Variants in SPIN1 observed in about 807,000 individuals in gnomAD.
The protein encoded by SPIN1 is spindlin-1.
Under a neutral mutation model 26.0 loss-of-function variants are expected in SPIN1, and 3 were observed. That is an observed-to-expected ratio of 0.12 (90% CI 0.05 to 0.30). SPIN1 has a LOEUF of 0.30. Among genes scored for constraint, SPIN1 ranks in the 10% least tolerant of loss-of-function variants. The probability of loss-of-function intolerance (pLI) is 1.00; values close to 1 mark genes in which losing one functional copy is unlikely to be tolerated. For synonymous variants in SPIN1, 101 were observed against 116.5 expected (o/e 0.87, Z 0.86); for missense variants, 126 against 333.4 (o/e 0.38, Z 4.84).
At position 88,405,997 on chromosome 9, in the gene SPIN1, TTGTGTGTCTGTGTGTG is replaced by T. The variant is rs1462032402; in HGVS notation, c.-159+17467_-159+17482del. Among the ~76,000 whole-genome samples the T allele has an allele frequency of 1.3e-3, 175 of 138,934 alleles. 1 individual carries two copies. Among genetic ancestry groups the T allele is most frequent in the Middle Eastern group, 3.7e-3 (1 of 268 alleles). 91.1% of individuals were successfully genotyped at this position (138,934 alleles called of 152,430 possible). A position where few individuals can be genotyped will look rare whatever the true frequency, so the allele number is the denominator to read the frequency against. The stretch of plus-strand genomic sequence containing the variant: ...ACAGGCGCATGCCACCGTGCCTGGC[TTGTGTGTCTGTGTGTG>T]TGTGTGTGTGTGTGTGTGTGTGTGT... On this transcript the variant is annotated intron_variant, in intron 1 of 5. Coordinates refer to ENST00000375859, the MANE Select transcript of SPIN1 (RefSeq NM_006717.3).
intron 3 of SPIN1, among the ~76,000 whole-genome samples, chr9:88,457,412 C>A (rs1475322792): frequency 1.3e-5 from 2 of 151,970 alleles, no homozygotes; most frequent in Non-Finnish European, 2.9e-5. Flanking sequence ...ACCTGTAATC[C>A]CAGCTACTTA....
chr9:88,467,402 A>G (rs913354274), intron 4 of SPIN1, among the ~76,000 whole-genome samples: 1 of 152,240 alleles, frequency 6.6e-6, no homozygotes, highest in African/African-American at 2.4e-5. Flanking sequence ...ATAACTTTAG[A>G]TCATGGTGAA....
intron 1 of SPIN1, among the ~76,000 whole-genome samples, chr9:88,422,994 C>T (rs1195240265): frequency 1.3e-5 from 2 of 151,912 alleles, no homozygotes; most frequent in Non-Finnish European, 2.9e-5. Context: ...CAGGCGTGAG[C>T]CACCACACCC....
At chr9:88,436,423 A>G (rs1175179162) in intron 2 of SPIN1, among the ~76,000 whole-genome samples, 4 of 152,174 alleles carry the variant, frequency 2.6e-5, no homozygotes, top group Non-Finnish European at 5.9e-5. Context: ...ACAAATGTGC[A>G]GCACACCCTG....
At chr9:88,459,138 A>G (rs1031101268) in intron 3 of SPIN1, among the ~76,000 whole-genome samples, 2 of 152,220 alleles carry the variant, frequency 1.3e-5, no homozygotes, top group Admixed American at 1.3e-4. Flanking sequence ...ATCCTTAGTG[A>G]GGTTTGGGAA....
intron 1 of SPIN1, among the ~76,000 whole-genome samples, chr9:88,414,801 A>T (rs1035354267): frequency 6.6e-6 from 1 of 152,132 alleles, no homozygotes; most frequent in Non-Finnish European, 1.5e-5. Context: ...TGAAGATAAA[A>T]TTTTTTCTCC....
intron 3 of SPIN1, among the ~76,000 whole-genome samples, 168 bp from the exon 4 acceptor site, chr9:88,462,328 G>T (rs952068614): frequency 2.6e-5 from 4 of 152,126 alleles, no homozygotes; most frequent in Non-Finnish European, 5.9e-5. Flanking sequence ...CTGGTACAGG[G>T]GTAGAGGACA....
Position 88,426,588 on chromosome 9 carries a change from G to C in SPIN1, c.49G>C (p.Ala17Pro). 2 of 1,613,338 alleles carry C rather than the reference G, an allele frequency of 1.2e-6. No homozygotes were observed. Among genetic ancestry groups the C allele is most frequent in the East Asian group, 2.2e-5 (1 of 44,828 alleles). The stretch of plus-strand genomic sequence containing the variant: ...ACCTGGCCAGCGGTCCAGAGCTGAT[G>C]CAGGTAGGCATTGCGGTTCTACACA... ...KTPGQRSRADAGHAGVSANMM... is the reference protein window; with the variant it reads ...KTPGQRSRADPGHAGVSANMM... The change falls in exon 2 of 6, where the codon GCA (alanine) becomes CCA (proline). Residue 17 changes from alanine (A) to proline (P), a missense_variant. By Grantham distance (27) the Ala-to-Pro change is conservative (BLOSUM62 -1). Around this residue, in one of 7 missense-constraint regions of SPIN1, gnomAD observed 63 missense variants for 101.3 expected, o/e 0.62. Coordinates refer to ENST00000375859, the MANE Select transcript of SPIN1 (RefSeq NM_006717.3).
intron 1 of SPIN1, among the ~76,000 whole-genome samples, chr9:88,396,435 C>T (rs1238948926): frequency 1.3e-5 from 2 of 151,712 alleles, no homozygotes; most frequent in Non-Finnish European, 2.9e-5. Context: ...AACCCCGTCT[C>T]TACTAAAAAT....
In SPIN1 at chr9:88,478,418, T is replaced by C. The variant is rs1403605626; in HGVS notation, c.*3141T>C. 1 of 152,672 alleles carries C rather than the reference T, an allele frequency of 6.5e-6. No homozygotes were observed. Among genetic ancestry groups the C allele is most frequent in the African/African-American group, 2.4e-5 (1 of 41,472 alleles). 9.5% of individuals were successfully genotyped at this position (152,672 alleles called of 1,614,324 possible). A position where few individuals can be genotyped will look rare whatever the true frequency, so the allele number is the denominator to read the frequency against. ...CTGTGGTTCCTTGGAAATGCTGCGCTCTTTGTGTTTTTCCATCATTAGTGC... is the reference window on the plus strand; with the variant it reads ...CTGTGGTTCCTTGGAAATGCTGCGCCCTTTGTGTTTTTCCATCATTAGTGC... On this transcript the variant is annotated 3_prime_UTR_variant, in exon 6 of 6. Coordinates refer to ENST00000375859, the MANE Select transcript of SPIN1 (RefSeq NM_006717.3).
At chr9:88,444,212 C>T (rs947225455) in intron 2 of SPIN1, among the ~76,000 whole-genome samples, 1 of 148,966 alleles carries the variant, frequency 6.7e-6, no homozygotes, top group East Asian at 1.9e-4. Context: ...GAGCTGCTTT[C>T]CCTTTTCATA....
In SPIN1 at chr9:88,397,026, T is replaced by C. The variant is rs191614568; in HGVS notation, c.-159+8488T>C. On this transcript the variant is annotated intron_variant, in intron 1 of 5. Coordinates refer to ENST00000375859, the MANE Select transcript of SPIN1 (RefSeq NM_006717.3). ...GAGCTGTCAGGACTGGAAGTTGCTC[T>C]GGGTTGAGTCTGTGAGTGAGTGGTG... Among the ~76,000 whole-genome samples the C allele has an allele frequency of 1.2e-4, 18 of 152,210 alleles. 1 individual carries two copies. The East Asian group carries it at 3.5e-3, about 29-fold the overall frequency.
At chr9:88,401,817 A>T (rs190631085) in intron 1 of SPIN1, among the ~76,000 whole-genome samples, 3 of 152,188 alleles carry the variant, frequency 2.0e-5, no homozygotes, top group African/African-American at 7.2e-5. Flanking sequence ...TTGAGATGTT[A>T]TGTGTCTGTT....
Position 88,457,588 on chromosome 9 carries a change from A to G in SPIN1, c.102-4908A>G, listed in dbSNP as rs139507962. On this transcript the variant is annotated intron_variant, in intron 3 of 5. Coordinates refer to ENST00000375859, the MANE Select transcript of SPIN1 (RefSeq NM_006717.3). Reference sequence around the variant, plus strand: ...GAGAAAATTGCCCCTCAGAGGAACAAGGATCAGATTGGCTTCTATTGTCTG... The same window carrying G: ...GAGAAAATTGCCCCTCAGAGGAACAGGGATCAGATTGGCTTCTATTGTCTG... Among the ~76,000 whole-genome samples, 897 of 152,230 alleles carry G rather than the reference A, an allele frequency of 5.9e-3. 8 individuals carry two copies. The highest frequency in any genetic ancestry group is 0.02 in the African/African-American group (843 of 41,540).
chr9:88,450,724 C>T (rs1471690329), intron 3 of SPIN1, among the ~76,000 whole-genome samples: 1 of 152,176 alleles, frequency 6.6e-6, no homozygotes, highest in Non-Finnish European at 1.5e-5. Context: ...ATATTACTAT[C>T]TAGCAAAAGG....
intron 1 of SPIN1, among the ~76,000 whole-genome samples, chr9:88,410,210 G>A (rs1330003478): frequency 7.3e-6 from 1 of 137,790 alleles, no homozygotes; most frequent in Non-Finnish European, 1.5e-5. Flanking sequence ...TTTTTTTAAA[G>A]ACATTTATTC....
At chr9:88,389,966 TGTA>T (rs1380759861) in intron 1 of SPIN1, among the ~76,000 whole-genome samples, 3 of 152,168 alleles carry the variant, frequency 2.0e-5, no homozygotes, top group Non-Finnish European at 2.9e-5. Flanking sequence ...ACCAAAATAT[TGTA>T]GTACCTGGTA....
chr9:88,421,679 CT>C (rs1827669565), intron 1 of SPIN1, among the ~76,000 whole-genome samples: 1 of 140,070 alleles, frequency 7.1e-6, no homozygotes, highest in Non-Finnish European at 1.5e-5. Flanking sequence ...TCTTTAGTCT[CT>C]TTTAGTCTAG....
At chr9:88,447,644 A>G (rs1347420031) in intron 2 of SPIN1, among the ~76,000 whole-genome samples, 3 of 152,200 alleles carry the variant, frequency 2.0e-5, no homozygotes, top group Admixed American at 6.5e-5. Context: ...GATTTGTGTT[A>G]GCCAAAGACT....
Sources: gnomAD v4.1 joint callset for allele counts (sites outside exome capture counted in the v4.1 genomes callset) on GRCh38, gnomAD v4.1.1 for gene constraint, gnomAD v4.1.1 regional missense constraint, MANE v1.5 for transcripts, NCBI Gene and HGNC (gene_info 2026-07-23, HGNC 2026-07-21) for gene names.